The following WDFY4 variants were observed in gnomAD, a reference collection of about 807,000 sequenced individuals.
The protein encoded by WDFY4 is WD repeat- and FYVE domain-containing protein 4.
Under a neutral mutation model 351.9 loss-of-function variants are expected in WDFY4, and 169 were observed. That is an observed-to-expected ratio of 0.48 (90% CI 0.42 to 0.55). The LOEUF (loss-of-function observed/expected upper bound fraction) is 0.55. WDFY4 is among the 20% of genes least tolerant of loss of function. The pLI, the probability that WDFY4 is intolerant of heterozygous loss-of-function variation, is 0.00. For missense variants in WDFY4, 3,803 were observed against 3,935.6 expected (o/e 0.97, Z 0.90); for synonymous variants, 1,622 against 1,574.6 (o/e 1.03, Z -0.71).
chr10:48,892,332 G>T (rs1259111217), intron 44 of WDFY4, among the ~76,000 whole-genome samples: 1 of 152,218 alleles, frequency 6.6e-6, no homozygotes, highest in Non-Finnish European at 1.5e-5. Flanking sequence ...TAGAAGCCCA[G>T]TGGTCAGATT....
At chr10:48,805,147 G>C in intron 25 of WDFY4, 113 bp from the exon 26 acceptor site, 1 of 1,211,898 alleles carries the variant, frequency 8.3e-7, no homozygotes, top group Non-Finnish European at 1.1e-6. Flanking sequence ...AGAGAGCATT[G>C]GAGTTAAGGG....
At chr10:48,820,179 G>A (rs1033960048) in intron 32 of WDFY4, 55 bp from the exon 33 acceptor site, 1 of 1,536,290 alleles carries the variant, frequency 6.5e-7, no homozygotes, top group African/African-American at 1.4e-5. Flanking sequence ...CAGGTTGGTG[G>A]GAAAGAGCTT....
At chr10:48,878,849 G>A (rs904803624) in intron 43 of WDFY4, among the ~76,000 whole-genome samples, 4 of 152,214 alleles carry the variant, frequency 2.6e-5, no homozygotes, top group Non-Finnish European at 5.9e-5. Flanking sequence ...AAACCCTGTT[G>A]TCTAACCACA....
At chr10:48,803,189 A>T in intron 24 of WDFY4, 97 bp from the exon 25 acceptor site, 2 of 1,186,860 alleles carry the variant, frequency 1.7e-6, no homozygotes, top group Non-Finnish European at 2.4e-6. Context: ...ATTCCACGTC[A>T]GAGGATCACC....
rs1184848739 is a variant in WDFY4, at chr10:48,821,174, G to A, written c.5822G>A (p.Arg1941Lys). Reference sequence around the variant, plus strand: ...AGTGGAGGTGATGCAGCGATGTTCAGAGGTGAGTGGGGCAACTCGGTCCCC... The same window carrying A: ...AGTGGAGGTGATGCAGCGATGTTCAAAGGTGAGTGGGGCAACTCGGTCCCC... ...MTSGGDAAMF[R>K]DGKEPQPSAE... Residue 1941 changes from arginine to lysine, a missense_variant and splice_region_variant, in exon 34 of 62, where the codon AGA becomes AAA. Coordinates refer to ENST00000325239, the MANE Select transcript of WDFY4 (RefSeq NM_001394531.1). The A allele has an allele frequency of 2.1e-5, 32 of 1,550,570 alleles. No homozygotes were observed. The highest frequency in any genetic ancestry group is 2.7e-5 in the Non-Finnish European group (31 of 1,146,066).
At chr10:48,916,421 G>A (rs1838539049) in intron 47 of WDFY4, among the ~76,000 whole-genome samples, 1 of 152,098 alleles carries the variant, frequency 6.6e-6, no homozygotes, top group Admixed American at 6.6e-5. Context: ...CTCATCCCAG[G>A]CCACCCTGTA....
chr10:48,686,299 G>A (rs1281403297), intron 1 of WDFY4, among the ~76,000 whole-genome samples: 3 of 117,502 alleles, frequency 2.6e-5, no homozygotes, highest in Non-Finnish European at 5.0e-5. Context: ...TGGACAACAC[G>A]ATGAAACTCC....
chr10:48,695,578 G>A (rs923287120), intron 1 of WDFY4, among the ~76,000 whole-genome samples: 1 of 152,196 alleles, frequency 6.6e-6, no homozygotes, highest in Non-Finnish European at 1.5e-5. Context: ...TCTAAGAGTA[G>A]AGAACATTGA....
In WDFY4 at chr10:48,963,359, G is replaced by A. The variant is rs151304555; in HGVS notation, c.8224-483G>A. On this transcript the variant is annotated intron_variant, in intron 53 of 61. Coordinates refer to ENST00000325239, the MANE Select transcript of WDFY4 (RefSeq NM_001394531.1). ...GATGAAGAAACCAAGGAACAGTGAT[G>A]TTAAGGAATGTGTACATGGCAGCAC... is the stretch of plus-strand genomic sequence containing the variant. 2.0e-3 allele frequency among the ~76,000 whole-genome samples: 310 copies of A among 152,328 alleles called. 5 individuals carry two copies. The highest frequency in any genetic ancestry group is 7.2e-3 in the African/African-American group (299 of 41,562).
chr10:48,812,179 C>CTTTTTTTTTTTTTTTTTTTT (rs1355851618), intron 30 of WDFY4, among the ~76,000 whole-genome samples: 2 of 134,558 alleles, frequency 1.5e-5, no homozygotes, highest in African/African-American at 3.1e-5. Context: ...TCTTTCTTTT[C>CTTTTTTTTTTTTTTTTTTTT]TTTTTTTTTT....
In WDFY4 at chr10:48,891,601, G is replaced by A. The variant is rs184488263; in HGVS notation, c.7316+874G>A. On this transcript the variant is annotated intron_variant, in intron 44 of 61. Transcript: ENST00000325239. ...GACAAGATGACTTCTTAGCCCAGTC[G>A]CTCTCAAACTAGCTGACACCAGCAT... is the stretch of plus-strand genomic sequence containing the variant. Among the ~76,000 whole-genome samples, 6 of 152,292 alleles carry A rather than the reference G, an allele frequency of 3.9e-5. No homozygotes were observed. In the East Asian group the frequency reaches 1.2e-3, roughly 29 times the overall value.
rs1010916490 is a variant in WDFY4 at position 48,892,933 on chromosome 10, T to G, written c.7316+2206T>G. Among the ~76,000 whole-genome samples, 3 of 152,370 alleles carry G rather than the reference T, an allele frequency of 2.0e-5. No individual in the cohort carries two copies. The East Asian group carries it at 5.8e-4, about 29-fold the overall frequency. ...CCCTTTCTTAGCTGATTAGGGTGGCTGTATTCATTTGCTAGGGCAGTCAAA... is the reference window on the plus strand; with the variant it reads ...CCCTTTCTTAGCTGATTAGGGTGGCGGTATTCATTTGCTAGGGCAGTCAAA... On this transcript the variant is annotated intron_variant, in intron 44 of 61. Transcript: ENST00000325239.
chr10:48,973,254 T>C (rs769547638), intron 57 of WDFY4, among the ~76,000 whole-genome samples: 5 of 152,216 alleles, frequency 3.3e-5, no homozygotes, highest in Non-Finnish European at 7.4e-5. Context: ...TCAGACTTAG[T>C]TCATTCTGGG....
chr10:48,806,256 T>G (rs1039031819), intron 27 of WDFY4, among the ~76,000 whole-genome samples, 161 bp downstream of exon 27: 2 of 152,332 alleles, frequency 1.3e-5, no homozygotes, highest in Middle Eastern at 3.4e-3. Flanking sequence ...CATTTTATGA[T>G]GAGAGTCAGA....
chr10:48,762,493 G>A (rs557682262), intron 13 of WDFY4, among the ~76,000 whole-genome samples: 4 of 152,342 alleles, frequency 2.6e-5, no homozygotes, highest in East Asian at 3.9e-4. Flanking sequence ...AAAAACATCC[G>A]TGTCATTTCT....
rs879988760 is a variant in WDFY4, at chr10:48,826,170, G to T, written c.5983-501G>T. 3.3e-5 allele frequency among the ~76,000 whole-genome samples: 5 copies of T among 152,142 alleles called. No homozygotes were observed. The East Asian group carries it at 9.6e-4, about 29-fold the overall frequency. ...AAGGGGTCCAGTTTCGATTTTCTGT[G>T]TACGTCTAGCCAGTTCTCCCAGCAC... On this transcript the variant is annotated intron_variant, in intron 35 of 61. Coordinates refer to ENST00000325239, the MANE Select transcript of WDFY4 (RefSeq NM_001394531.1).
At position 48,787,804 on chromosome 10, in the gene WDFY4, CTCCTCTTCTTCTTCTTCTTCTTCTTCT is replaced by C. The variant is rs1444386907; in HGVS notation, c.3809-723_3809-697del. Reference sequence around the variant, plus strand: ...CTTCCTCTTCCTCCTCCTCCTCCTCCTCCTCTTCTTCTTCTTCTTCTTCTTCTTCTTCTTCTTCTTCTTCTTCTTCTT... The same window carrying C: ...CTTCCTCTTCCTCCTCCTCCTCCTCCTCTTCTTCTTCTTCTTCTTCTTCTT... On this transcript the variant is annotated intron_variant, in intron 20 of 61. Coordinates refer to ENST00000325239, the MANE Select transcript of WDFY4 (RefSeq NM_001394531.1). 4.9e-4 allele frequency among the ~76,000 whole-genome samples: 35 copies of C among 70,750 alleles called. 3 individuals are homozygous for C. The highest frequency in any genetic ancestry group is 2.2e-3 in the African/African-American group (35 of 16,186). 46.4% of individuals were successfully genotyped at this position (70,750 alleles called of 152,430 possible). A position where few individuals can be genotyped will look rare whatever the true frequency, so the allele number is the denominator to read the frequency against.
chr10:48,819,424 A>G (rs960612150), intron 32 of WDFY4, among the ~76,000 whole-genome samples: 2 of 152,232 alleles, frequency 1.3e-5, no homozygotes, highest in Admixed American at 1.3e-4. Flanking sequence ...CCTAGGTGCC[A>G]TTAAATTCAT....
chr10:48,694,032 T>C (rs1176913824), intron 1 of WDFY4, among the ~76,000 whole-genome samples: 1 of 152,252 alleles, frequency 6.6e-6, no homozygotes, highest in Non-Finnish European at 1.5e-5. Context: ...AAGTTTCACT[T>C]GTGATTTTTG....
Sources: allele counts gnomAD v4.1 joint callset (sites outside exome capture counted in the v4.1 genomes callset), GRCh38; gene constraint gnomAD v4.1.1; transcripts MANE v1.5; gene names NCBI Gene and HGNC (gene_info 2026-07-23, HGNC 2026-07-21).